SMARCA2: variants seen among roughly 807,000 people sequenced by gnomAD.
SMARCA2 encodes SWI/SNF-related matrix-associated actin-dependent regulator of chromatin subfamily A member 2.
SMARCA2 carries 61 observed loss-of-function variants against 199.8 expected under a neutral mutation model. That is an observed-to-expected ratio of 0.31 (90% CI 0.25 to 0.38). SMARCA2 has a LOEUF of 0.38. Among genes scored for constraint, SMARCA2 ranks in the 10% least tolerant of loss-of-function variants. The probability of loss-of-function intolerance (pLI) is 1.00; values close to 1 mark genes in which losing one functional copy is unlikely to be tolerated. For synonymous variants in SMARCA2, 935 were observed against 732.0 expected, an observed-to-expected ratio of 1.28 and a Z score of -4.48; for missense variants, 1,344 against 2,012.2, an observed-to-expected ratio of 0.67 and a Z score of 6.35.
intron 9 of SMARCA2, among the ~76,000 whole-genome samples, chr9:2,063,689 A>C (rs1405919190): frequency 1.3e-5 from 2 of 152,106 alleles, no homozygotes; most frequent in African/African-American, 2.4e-5. Context: ...TTTTCACTTA[A>C]TTTAATCTGA....
chr9:2,187,420 C>T (rs907958649), intron 32 of SMARCA2, among the ~76,000 whole-genome samples: 9 of 152,046 alleles, frequency 5.9e-5, no homozygotes, highest in African/African-American at 2.2e-4. Flanking sequence ...AAATATAATC[C>T]GAGCACTCTG....
chr9:2,091,655 A>G (rs1822067756), intron 19 of SMARCA2, among the ~76,000 whole-genome samples: 1 of 152,216 alleles, frequency 6.6e-6, no homozygotes, highest in African/African-American at 2.4e-5. Flanking sequence ...CAGTGTATAC[A>G]TAGATTTGTA....
At chr9:2,084,363 A>T (rs1178874369) in intron 17 of SMARCA2, among the ~76,000 whole-genome samples, 167 bp downstream of exon 17, 2 of 141,188 alleles carry the variant, frequency 1.4e-5, no homozygotes, top group Non-Finnish European at 1.5e-5. Context: ...ATTTGATTTC[A>T]TGCATGCTGT....
intron 5 of SMARCA2, 78 bp from the exon 6 acceptor site, chr9:2,054,519 T>C: frequency 6.5e-7 from 1 of 1,537,018 alleles, no homozygotes; most frequent in Non-Finnish European, 8.9e-7. Flanking sequence ...AAACCTAATG[T>C]CATTGTTTAT....
chr9:2,117,063 A>G (rs145753511), intron 25 of SMARCA2, among the ~76,000 whole-genome samples: 2,974 of 152,322 alleles, frequency 0.02, 98 homozygotes, highest in African/African-American at 0.067. Context: ...ACCCATCATA[A>G]ATTGAAAATA....
chr9:2,128,158 A>T (rs1823780868), intron 27 of SMARCA2, among the ~76,000 whole-genome samples: 1 of 152,096 alleles, frequency 6.6e-6, no homozygotes, highest in African/African-American at 2.4e-5. Context: ...TGGCATCTGG[A>T]TAAAGACGTG....
Position 2,170,950 on chromosome 9 carries a change from A to C in SMARCA2, c.4253+478A>C, listed in dbSNP as rs1429570534. ...CATTCCAGAGTTGATCATGGCATGC[A>C]GAGGGCAATTGCTGAGTTGTCTCTT... is the stretch of plus-strand genomic sequence containing the variant. On this transcript the variant is annotated intron_variant, in intron 29 of 33. Coordinates refer to ENST00000349721, the MANE Select transcript of SMARCA2 (RefSeq NM_003070.5). This position sits in a 1 kb window ranked among gnomAD's most constrained non-coding sequence, Gnocchi z 4.7. Among the ~76,000 whole-genome samples the C allele has an allele frequency of 1.3e-5, 2 of 152,198 alleles. No individual in the cohort carries two copies. Among genetic ancestry groups the C allele is most frequent in the African/African-American group, 4.8e-5 (2 of 41,458 alleles).
intron 1 of SMARCA2, among the ~76,000 whole-genome samples, chr9:2,020,531 T>C (rs1030228544): frequency 4.6e-5 from 7 of 152,198 alleles, no homozygotes; most frequent in African/African-American, 1.4e-4. Context: ...TAAAACTATG[T>C]TCTGCCAGAG....
chr9:2,167,721 C>G (rs1826005250), intron 28 of SMARCA2, among the ~76,000 whole-genome samples: 1 of 152,208 alleles, frequency 6.6e-6, no homozygotes, highest in Non-Finnish European at 1.5e-5. Context: ...TTTTAGTTCT[C>G]ACATTGGAGA....
intron 15 of SMARCA2, among the ~76,000 whole-genome samples, chr9:2,082,886 T>C (rs1821629879): frequency 1.3e-5 from 2 of 152,250 alleles, no homozygotes; most frequent in Non-Finnish European, 2.9e-5. Flanking sequence ...ATATATACAG[T>C]GACACTTTCA....
At chr9:2,158,737 A>G (rs1825508440) in intron 27 of SMARCA2, 3 of 437,646 alleles carry the variant, frequency 6.9e-6, no homozygotes, top group African/African-American at 2.0e-5. Flanking sequence ...TTAAAATAAA[A>G]GAACAGTTTA....
chr9:2,128,844 A>AG (rs1323933327), intron 27 of SMARCA2, among the ~76,000 whole-genome samples: 1 of 152,122 alleles, frequency 6.6e-6, no homozygotes, highest in Non-Finnish European at 1.5e-5. Flanking sequence ...TGGATTCTGA[A>AG]GGGGGAGTAT....
chr9:2,112,204 TG>T (rs1823037357), intron 24 of SMARCA2, among the ~76,000 whole-genome samples: 1 of 152,148 alleles, frequency 6.6e-6, no homozygotes, highest in African/African-American at 2.4e-5. Flanking sequence ...AAGGAAGACG[TG>T]ATGTGACTCC....
At chr9:2,062,254 G>T (rs1343232055) in intron 9 of SMARCA2, among the ~76,000 whole-genome samples, 1 of 152,216 alleles carries the variant, frequency 6.6e-6, no homozygotes, top group African/African-American at 2.4e-5. Flanking sequence ...CTGACATATT[G>T]ATAGCAGAGA....
At chr9:2,184,298 C>T (rs1827268875) in intron 31 of SMARCA2, among the ~76,000 whole-genome samples, 1 of 151,226 alleles carries the variant, frequency 6.6e-6, no homozygotes, top group African/African-American at 2.4e-5. Flanking sequence ...CAGAGAGATT[C>T]TGTGTACCTT....
At chr9:2,140,631 A>G (rs1267818106) in intron 27 of SMARCA2, among the ~76,000 whole-genome samples, 1 of 152,228 alleles carries the variant, frequency 6.6e-6, no homozygotes, top group Non-Finnish European at 1.5e-5. Context: ...TGAAAAATAC[A>G]GAAGAGTGAA....
intron 6 of SMARCA2, among the ~76,000 whole-genome samples, chr9:2,055,166 T>C (rs1242506357): frequency 1.3e-5 from 2 of 152,262 alleles, no homozygotes; most frequent in African/African-American, 4.8e-5. Flanking sequence ...ACTGAATTAG[T>C]GGTTCATCAT....
At chr9:2,047,736 A>G (rs1006414330) in intron 5 of SMARCA2, 3 of 275,862 alleles carry the variant, frequency 1.1e-5, no homozygotes, top group African/African-American at 2.2e-5. Flanking sequence ...TGTGGAATAC[A>G]CTGTCCGTGT....
rs1449584054 is a variant in SMARCA2, at chr9:2,170,550, C to T, written c.4253+78C>T. On this transcript the variant is annotated intron_variant, in intron 29 of 33. Coordinates refer to ENST00000349721, the MANE Select transcript of SMARCA2 (RefSeq NM_003070.5). This position sits in a 1 kb window ranked among gnomAD's most constrained non-coding sequence, Gnocchi z 4.7. ...CGTGAAACAGATTGAATCATATAAT[C>T]GGCCTTTGGAAGCAAATTTCTTCGG... is the stretch of plus-strand genomic sequence containing the variant. 59 of 1,607,934 alleles carry T rather than the reference C, an allele frequency of 3.7e-5. No homozygotes were observed. Among genetic ancestry groups the T allele is most frequent in the Non-Finnish European group, 4.6e-5 (54 of 1,176,284 alleles).
Sources: allele counts gnomAD v4.1 joint callset (sites outside exome capture counted in the v4.1 genomes callset), GRCh38; gene constraint gnomAD v4.1.1; non-coding constraint Gnocchi (gnomAD v3.1); transcripts MANE v1.5; gene names NCBI Gene and HGNC (gene_info 2026-07-23, HGNC 2026-07-21).